Variants in DPP4 observed in about 807,000 individuals in gnomAD.
DPP4 encodes dipeptidyl peptidase 4, also known as ADCP-2.
DPP4 carries 93 observed loss-of-function variants against 122.4 expected under a neutral mutation model. The observed-to-expected ratio is 0.76, with a 90% CI of 0.64 to 0.90. DPP4 has a LOEUF of 0.90. DPP4 is among the 40% of genes least tolerant of loss of function. The pLI, the probability that DPP4 is intolerant of heterozygous loss-of-function variation, is 0.00. For synonymous variants in DPP4, 321 were observed against 302.9 expected, an observed-to-expected ratio of 1.06 and a Z score of -0.62; for missense variants, 914 against 907.3, an observed-to-expected ratio of 1.01 and a Z score of -0.09.
chr2:162,009,361 C>T (rs987138760), intron 20 of DPP4, 66 bp from the exon 21 acceptor site: 4 of 1,428,558 alleles, frequency 2.8e-6, no homozygotes, highest in Non-Finnish European at 3.9e-6. Flanking sequence ...AGATGAGGCA[C>T]AAATGTGAAA....
intron 2 of DPP4, among the ~76,000 whole-genome samples, chr2:162,060,248 A>C (rs1248227325): frequency 6.6e-6 from 1 of 152,242 alleles, no homozygotes; most frequent in East Asian, 1.9e-4. Context: ...TTAAATAAGC[A>C]GGTTGGTAGT....
intron 23 of DPP4, among the ~76,000 whole-genome samples, chr2:161,999,880 G>A (rs796924113): frequency 6.6e-5 from 10 of 152,264 alleles, no homozygotes; most frequent in African/African-American, 1.9e-4. Context: ...CTCATTTAAT[G>A]ATTTCAATAA....
At chr2:162,028,852 A>G (rs893689275) in intron 10 of DPP4, among the ~76,000 whole-genome samples, 1 of 152,240 alleles carries the variant, frequency 6.6e-6, no homozygotes, top group African/African-American at 2.4e-5. Flanking sequence ...AGAGGATTTA[A>G]GTAACTTGCC....
chr2:161,996,196 C>T (rs1370658200), intron 23 of DPP4, among the ~76,000 whole-genome samples: 2 of 152,122 alleles, frequency 1.3e-5, no homozygotes, highest in Non-Finnish European at 2.9e-5. Flanking sequence ...TAAAGCTGGT[C>T]ATCTAATCTG....
At chr2:162,036,626 A>T (rs910620218) in intron 8 of DPP4, among the ~76,000 whole-genome samples, 19 of 152,308 alleles carry the variant, frequency 1.2e-4, no homozygotes, top group African/African-American at 4.6e-4. Context: ...ATTTCCAGTA[A>T]TAGAAAACCT....
intron 10 of DPP4, among the ~76,000 whole-genome samples, chr2:162,032,795 T>C (rs1683602517): frequency 6.6e-6 from 1 of 151,958 alleles, no homozygotes; most frequent in East Asian, 1.9e-4. Context: ...GTACCCAGTA[T>C]GTTGGTTCCT....
chr2:162,033,037 T>C (rs934915002), intron 10 of DPP4, among the ~76,000 whole-genome samples: 1 of 152,120 alleles, frequency 6.6e-6, no homozygotes, highest in African/African-American at 2.4e-5. Context: ...CTCCTTGCAT[T>C]TCCTCCAACA....
chr2:162,054,099 A>G (rs1684481342), intron 2 of DPP4, among the ~76,000 whole-genome samples: 1 of 152,218 alleles, frequency 6.6e-6, no homozygotes, highest in African/African-American at 2.4e-5. Flanking sequence ...AACATGGGAC[A>G]TGGAGTCAAA....
chr2:162,049,655 GA>G (rs989662066), intron 2 of DPP4, among the ~76,000 whole-genome samples: 5 of 151,498 alleles, frequency 3.3e-5, no homozygotes, highest in Admixed American at 1.3e-4. Context: ...AAAGTTGAAA[GA>G]AAAAAAACAG....
intron 12 of DPP4, 91 bp downstream of exon 12, chr2:162,022,664 G>T: frequency 1.7e-6 from 2 of 1,184,820 alleles, no homozygotes; most frequent in Non-Finnish European, 2.5e-6. Context: ...TATTAATAAC[G>T]TATCACTTAG....
intron 5 of DPP4, among the ~76,000 whole-genome samples, chr2:162,041,633 C>T (rs1683990322): frequency 6.6e-6 from 1 of 152,222 alleles, no homozygotes; most frequent in African/African-American, 2.4e-5. Context: ...TTCTGGGCAA[C>T]CTCAAGCAAA....
At chr2:162,022,156 G>A (rs895325135) in intron 12 of DPP4, among the ~76,000 whole-genome samples, 3 of 152,138 alleles carry the variant, frequency 2.0e-5, no homozygotes, top group Non-Finnish European at 4.4e-5. Flanking sequence ...ATAGCAATCT[G>A]GGTGGTAATT....
chr2:162,039,277 T>G, intron 5 of DPP4, 93 bp from the exon 6 acceptor site: 7 of 1,047,836 alleles, frequency 6.7e-6, no homozygotes, highest in Non-Finnish European at 1.0e-5. Context: ...TGGTAATATA[T>G]GATTGTATAA....
chr2:162,069,555 C>T (rs932525272), intron 2 of DPP4, among the ~76,000 whole-genome samples: 3 of 152,144 alleles, frequency 2.0e-5, no homozygotes, highest in Admixed American at 6.5e-5. Flanking sequence ...GGAAGCAAAA[C>T]CCAAAATAAC....
At chr2:162,038,464 T>C in intron 7 of DPP4, 42 bp from the exon 8 acceptor site, 6 of 1,560,186 alleles carry the variant, frequency 3.8e-6, no homozygotes, top group Non-Finnish European at 5.2e-6. Flanking sequence ...ATAATACATG[T>C]CATATTTTTA....
chr2:162,052,332 A>C (rs988973476), intron 2 of DPP4, among the ~76,000 whole-genome samples: 1 of 150,866 alleles, frequency 6.6e-6, no homozygotes, highest in Non-Finnish European at 1.5e-5. Flanking sequence ...AAAAAAAAAA[A>C]AAAAAAAAAA....
chr2:162,046,342 A>G (rs1684173366), intron 4 of DPP4, among the ~76,000 whole-genome samples: 1 of 152,176 alleles, frequency 6.6e-6, no homozygotes, highest in Admixed American at 6.5e-5. Flanking sequence ...ATGGGGGATG[A>G]CAGGAGTCAA....
intron 23 of DPP4, among the ~76,000 whole-genome samples, chr2:162,003,961 T>C (rs959941387): frequency 6.6e-6 from 1 of 152,038 alleles, no homozygotes; most frequent in African/African-American, 2.4e-5. Context: ...CAAAAGGGGA[T>C]TCCAAAGGGG....
chr2:162,068,875 T>C (rs1211365176), intron 2 of DPP4, among the ~76,000 whole-genome samples: 1 of 152,104 alleles, frequency 6.6e-6, no homozygotes, highest in East Asian at 1.9e-4. Flanking sequence ...AATTATAATA[T>C]AATTCCCACA....
Sources: allele counts gnomAD v4.1 joint callset (sites outside exome capture counted in the v4.1 genomes callset), GRCh38; gene constraint gnomAD v4.1.1; transcripts MANE v1.5; gene names NCBI Gene and HGNC (gene_info 2026-07-23, HGNC 2026-07-21).